The following ENAH variants were observed in gnomAD, a reference collection of about 807,000 sequenced individuals.
The protein encoded by ENAH is protein enabled homolog.
A neutral mutation model predicts 78.7 loss-of-function variants in ENAH; 23 were observed. That is an observed-to-expected ratio of 0.29 (90% confidence interval 0.21 to 0.41). The LOEUF (loss-of-function observed/expected upper bound fraction) is 0.41. Ranked by LOEUF, ENAH falls within the 10% of genes least tolerant of loss-of-function variation. The pLI is 1.00. For synonymous variants in ENAH, 226 were observed against 241.0 expected (o/e 0.94, Z 0.58); for missense variants, 544 against 691.0 (o/e 0.79, Z 2.39).
chr1:225,612,741 A>G lies in ENAH; in HGVS notation c.5+39945T>C, dbSNP rs2096997813. 3.9e-5 allele frequency among the ~76,000 whole-genome samples: 6 copies of G among 152,246 alleles called. No homozygotes were observed. The South Asian group carries it at 1.0e-3, about 26-fold the overall frequency. ...TCTGGCAATAAATACTAAATAATTC[A>G]TATCTTTGCCCCAGTTTATATTTTG... On this transcript the variant is annotated intron_variant, in intron 1 of 13. Transcript: ENST00000366843.
At chr1:225,554,182 TTG>T (rs2096655161) in intron 3 of ENAH, among the ~76,000 whole-genome samples, 1 of 152,178 alleles carries the variant, frequency 6.6e-6, no homozygotes, top group Admixed American at 6.5e-5. Context: ...GTAATCATAT[TTG>T]TGTTTTCATG....
At chr1:225,644,234 TA>T (rs1335406943) in intron 1 of ENAH, among the ~76,000 whole-genome samples, 4 of 152,066 alleles carry the variant, frequency 2.6e-5, no homozygotes, top group Admixed American at 6.6e-5. Flanking sequence ...TGTACTACTT[TA>T]CAATGGAAGG....
chr1:225,605,079 G>C (rs1195738052), intron 1 of ENAH, among the ~76,000 whole-genome samples: 1 of 152,186 alleles, frequency 6.6e-6, no homozygotes, highest in African/African-American at 2.4e-5. Flanking sequence ...TTCACTTAAA[G>C]CATGTAAAAT....
intron 3 of ENAH, among the ~76,000 whole-genome samples, chr1:225,534,974 C>T (rs2096554923): frequency 6.6e-6 from 1 of 152,086 alleles, no homozygotes; most frequent in African/African-American, 2.4e-5. Flanking sequence ...CCTAAATTCA[C>T]TCTTAAGTCA....
chr1:225,517,329 A>T (rs1249782368), intron 5 of ENAH, 23 bp from the exon 6 acceptor site: 1 of 1,551,584 alleles, frequency 6.4e-7, no homozygotes, highest in African/African-American at 1.4e-5. Flanking sequence ...AAGGGAGAAC[A>T]CTAGGCTTGG....
intron 1 of ENAH, among the ~76,000 whole-genome samples, chr1:225,578,373 G>C (rs1268967737): frequency 6.6e-6 from 1 of 151,976 alleles, no homozygotes; most frequent in Non-Finnish European, 1.5e-5. Context: ...TACTTGGGAG[G>C]CTGAGGTAGA....
Position 225,567,232 on chromosome 1 carries a change from T to C in ENAH, c.171+17A>G, listed in dbSNP as rs373151309. On this transcript the variant is annotated intron_variant, in intron 2 of 13. Coordinates refer to ENST00000366843, the MANE Select transcript of ENAH (RefSeq NM_018212.6). Reference sequence around the variant, plus strand: ...AATACTAAATCATTTTTAACAACAATTGTAGTAAAGCCTTACCTGATGGTC... The same window carrying C: ...AATACTAAATCATTTTTAACAACAACTGTAGTAAAGCCTTACCTGATGGTC... 5.6e-5 allele frequency: 90 copies of C among 1,606,790 alleles called. No homozygotes were observed. Among genetic ancestry groups the C allele is most frequent in the Non-Finnish European group, 7.3e-5 (86 of 1,177,812 alleles).
In ENAH at chr1:225,507,847, C is replaced by T. The variant is rs1346305748; in HGVS notation, c.1538+104G>A. On this transcript the variant is annotated intron_variant, in intron 11 of 13. Coordinates refer to ENST00000366843, the MANE Select transcript of ENAH (RefSeq NM_018212.6). ...AGGAGGATCACGAGAGTTTTATGGG[C>T]TCCTCTGTATAATTTCTTACCATTC... 5 of 717,312 alleles carry T rather than the reference C, an allele frequency of 7.0e-6. No homozygotes were observed. The Middle Eastern group carries it at 1.2e-3, about 175-fold the overall frequency. 44.4% of individuals were successfully genotyped at this position (717,312 alleles called of 1,614,324 possible).
At position 225,497,537 on chromosome 1, in the gene ENAH, A is replaced by G; in HGVS notation, c.*238T>C. 1 of 354,748 alleles carries G rather than the reference A, an allele frequency of 2.8e-6. No individual in the cohort carries two copies. The highest frequency in any genetic ancestry group is 5.2e-6 in the Non-Finnish European group (1 of 194,150). 22.0% of individuals were successfully genotyped at this position (354,748 alleles called of 1,614,324 possible). On this transcript the variant is annotated 3_prime_UTR_variant, in exon 14 of 14. Coordinates refer to ENST00000366843, the MANE Select transcript of ENAH (RefSeq NM_018212.6). ...TAACTGTTACAGGAACTCTTAAATG[A>G]TTCTCTTCCATTCTGTTGTAAAGGC...
intron 1 of ENAH, among the ~76,000 whole-genome samples, chr1:225,639,099 A>G (rs985172219): frequency 6.6e-6 from 1 of 152,230 alleles, no homozygotes; most frequent in Non-Finnish European, 1.5e-5. Context: ...GTGAAAGTGC[A>G]AACATTCCAA....
intron 1 of ENAH, among the ~76,000 whole-genome samples, chr1:225,619,314 G>A (rs572930776): frequency 6.6e-6 from 1 of 152,186 alleles, no homozygotes; most frequent in African/African-American, 2.4e-5. Flanking sequence ...AGGCCAAGGC[G>A]GGCAGATCAC....
At chr1:225,645,122 G>A (rs1575852950) in intron 1 of ENAH, among the ~76,000 whole-genome samples, 1 of 152,290 alleles carries the variant, frequency 6.6e-6, no homozygotes, top group African/African-American at 2.4e-5. Flanking sequence ...AATGTCCAGT[G>A]GTTCTATCTT....
chr1:225,492,070 A>G lies in ENAH; in HGVS notation c.*5705T>C, dbSNP rs2096224769. Reference sequence around the variant, plus strand: ...TTTCTAATAATTTCTATGAAAAGCTATATTCTCTTAGAATTTTTTTTTTTT... The same window carrying G: ...TTTCTAATAATTTCTATGAAAAGCTGTATTCTCTTAGAATTTTTTTTTTTT... On this transcript the variant is annotated 3_prime_UTR_variant, in exon 14 of 14. Coordinates refer to ENST00000366843, the MANE Select transcript of ENAH (RefSeq NM_018212.6). 1 of 143,622 alleles carries G rather than the reference A, an allele frequency of 7.0e-6. No homozygotes were observed. Among genetic ancestry groups the G allele is most frequent in the African/African-American group, 2.6e-5 (1 of 38,706 alleles). 8.9% of individuals were successfully genotyped at this position (143,622 alleles called of 1,614,324 possible). A position where few individuals can be genotyped will look rare whatever the true frequency, so the allele number is the denominator to read the frequency against.
At chr1:225,542,196 A>G (rs900113929) in intron 3 of ENAH, among the ~76,000 whole-genome samples, 1 of 152,166 alleles carries the variant, frequency 6.6e-6, no homozygotes, top group African/African-American at 2.4e-5. Flanking sequence ...TCTAGTTTCT[A>G]ACAAGAGAAC....
rs552264694 is a variant in ENAH at position 225,540,512 on chromosome 1, G to A, written c.350-9874C>T. 7.2e-5 allele frequency among the ~76,000 whole-genome samples: 11 copies of A among 152,064 alleles called. No individual in the cohort carries two copies. In the South Asian group the frequency reaches 1.9e-3, roughly 26 times the overall value. On this transcript the variant is annotated intron_variant, in intron 3 of 13. Coordinates refer to ENST00000366843, the MANE Select transcript of ENAH (RefSeq NM_018212.6). ...CTACAGTAACATACTTAGGGGTGGG[G>A]AAAAAATGAAGGCAGTGAAGATAGG...
rs369594358 is a variant in ENAH, at chr1:225,547,829, A to G, written c.349+7077T>C. ...TCTTCCCATGCCTACAGTATGTCCAACTTTCAAAATCCAGACCTGAAAGTC... is the reference window on the plus strand; with the variant it reads ...TCTTCCCATGCCTACAGTATGTCCAGCTTTCAAAATCCAGACCTGAAAGTC... On this transcript the variant is annotated intron_variant, in intron 3 of 13. Coordinates refer to ENST00000366843, the MANE Select transcript of ENAH (RefSeq NM_018212.6). Among the ~76,000 whole-genome samples the G allele has an allele frequency of 3.6e-3, 541 of 152,236 alleles. 2 individuals carry two copies. The highest frequency in any genetic ancestry group is 0.013 in the African/African-American group (527 of 41,538).
At position 225,563,996 on chromosome 1, in the gene ENAH, T is replaced by C. The variant is rs117652885; in HGVS notation, c.171+3253A>G. Among the ~76,000 whole-genome samples, 119 of 152,338 alleles carry C rather than the reference T, an allele frequency of 7.8e-4. 1 individual carries two copies. The East Asian group carries it at 0.02, about 25-fold the overall frequency. Reference sequence around the variant, plus strand: ...ACGTTTTTCTACAAAATGGCCCACTTACTGGCATAAAGTTTTTTATAATAT... The same window carrying C: ...ACGTTTTTCTACAAAATGGCCCACTCACTGGCATAAAGTTTTTTATAATAT... On this transcript the variant is annotated intron_variant, in intron 2 of 13. Coordinates refer to ENST00000366843, the MANE Select transcript of ENAH (RefSeq NM_018212.6).
chr1:225,618,705 G>A (rs1019935264), intron 1 of ENAH, among the ~76,000 whole-genome samples: 1 of 152,104 alleles, frequency 6.6e-6, no homozygotes, highest in Non-Finnish European at 1.5e-5. Context: ...AAAGTTTCAT[G>A]TTCTACTTAA....
In ENAH at chr1:225,538,670, A is replaced by G. The variant is rs554383622; in HGVS notation, c.350-8032T>C. On this transcript the variant is annotated intron_variant, in intron 3 of 13. Transcript: ENST00000366843. The stretch of plus-strand genomic sequence containing the variant: ...CCAACTTATGACCCGAATGCATTTT[A>G]TTCCCTTCTAAGCCAATATGAAAAT... Among the ~76,000 whole-genome samples, 7 of 150,284 alleles carry G rather than the reference A, an allele frequency of 4.7e-5. No individual in the cohort carries two copies. The South Asian group carries it at 1.5e-3, about 32-fold the overall frequency.
Sources: allele counts gnomAD v4.1 joint callset (sites outside exome capture counted in the v4.1 genomes callset), GRCh38; gene constraint gnomAD v4.1.1; transcripts MANE v1.5; gene names NCBI Gene and HGNC (gene_info 2026-07-23, HGNC 2026-07-21).